TSEN2: variants seen among roughly 807,000 people sequenced by gnomAD.
The protein encoded by TSEN2 is tRNA splicing endonuclease subunit 2, also known as tRNA-splicing endonuclease subunit Sen2.
A neutral mutation model predicts 59.2 loss-of-function variants in TSEN2; 54 were observed. That is an observed-to-expected ratio of 0.91 (90% CI 0.73 to 1.14). TSEN2 has a LOEUF of 1.14. TSEN2 is among the 50% of genes most tolerant of loss of function. The pLI is 0.00. For missense variants in TSEN2, 636 were observed against 576.2 expected, an observed-to-expected ratio of 1.10 and a Z score of -1.06; for synonymous variants, 195 against 198.2, an observed-to-expected ratio of 0.98 and a Z score of 0.14.
At chr3:12,536,932 G>C (rs556431862), downstream of TSEN2, among the ~76,000 whole-genome samples, 1 of 152,044 alleles carries the variant, frequency 6.6e-6, no homozygotes, top group Admixed American at 6.6e-5. Context: ...GAACCCGGGA[G>C]GTGGGAGGTT....
At chr3:12,507,879 G>C (rs1450316510) in intron 6 of TSEN2, among the ~76,000 whole-genome samples, 1 of 152,230 alleles carries the variant, frequency 6.6e-6, no homozygotes, top group African/African-American at 2.4e-5. Context: ...GGCTGAGGTG[G>C]AAAGCTTTTG....
intron 6 of TSEN2, among the ~76,000 whole-genome samples, chr3:12,509,711 G>A (rs1422435327): frequency 6.6e-6 from 1 of 152,184 alleles, no homozygotes; most frequent in African/African-American, 2.4e-5. Context: ...TCCTTTGCTT[G>A]AGGGACTAAG....
At chr3:12,516,911 A>G (rs1391760860) in intron 7 of TSEN2, among the ~76,000 whole-genome samples, 3 of 152,202 alleles carry the variant, frequency 2.0e-5, no homozygotes, top group Non-Finnish European at 4.4e-5. Context: ...GTACTGGATA[A>G]TGATTAGGAA....
chr3:12,498,771 A>G (rs2054004387), intron 4 of TSEN2, among the ~76,000 whole-genome samples: 1 of 152,212 alleles, frequency 6.6e-6, no homozygotes, highest in Admixed American at 6.5e-5. Flanking sequence ...CAGTTCTATC[A>G]GCAAGCTACA....
At chr3:12,490,075 C>A in intron 2 of TSEN2, 86 bp downstream of exon 2, 2 of 1,220,100 alleles carry the variant, frequency 1.6e-6, no homozygotes, top group Admixed American at 1.7e-5. Flanking sequence ...GCCATACCCC[C>A]ACACCAACCA....
chr3:12,505,320 A>G lies in TSEN2; in HGVS notation c.909+89A>G, dbSNP rs116600170. ...AACCTACCTCACAGTGTAGTTCTGTATGTAATTCAATTATTGAATATTGTA... is the reference window on the plus strand; with the variant it reads ...AACCTACCTCACAGTGTAGTTCTGTGTGTAATTCAATTATTGAATATTGTA... On this transcript the variant is annotated intron_variant, in intron 6 of 11. Coordinates refer to ENST00000284995, the MANE Select transcript of TSEN2 (RefSeq NM_025265.4). 1,681 of 825,766 alleles carry G rather than the reference A, an allele frequency of 2.0e-3. 11 individuals carry two copies. The African/African-American group carries it at 0.024, about 12-fold the overall frequency. The allele number at this position is 825,766 out of a possible 1,614,324, so 51.2% of individuals were successfully genotyped here. A position where few individuals can be genotyped will look rare whatever the true frequency, so the allele number is the denominator to read the frequency against.
chr3:12,536,284 TAGG>T (rs2057671453), downstream of TSEN2, among the ~76,000 whole-genome samples: 3 of 152,192 alleles, frequency 2.0e-5, no homozygotes, highest in African/African-American at 4.8e-5. Flanking sequence ...TTAGTAATGG[TAGG>T]TTTTCCTGGT....
At chr3:12,488,183 T>A (rs545100256) in intron 1 of TSEN2, among the ~76,000 whole-genome samples, 19 of 152,364 alleles carry the variant, frequency 1.2e-4, no homozygotes, top group African/African-American at 4.3e-4. Context: ...TTTGGCCACC[T>A]TCTTGACTGT....
At chr3:12,508,914 G>A (rs748126453) in intron 6 of TSEN2, among the ~76,000 whole-genome samples, 3 of 152,176 alleles carry the variant, frequency 2.0e-5, no homozygotes, top group Non-Finnish European at 2.9e-5. Flanking sequence ...AGGCTGGAGT[G>A]CAGTGGCACC....
downstream of TSEN2, among the ~76,000 whole-genome samples, chr3:12,534,394 G>C (rs1380665570): frequency 2.6e-5 from 4 of 152,210 alleles, 1 homozygote; most frequent in East Asian, 5.8e-4. Context: ...AGAAAGGAAT[G>C]CTTCAAATCT....
At chr3:12,485,156 C>T (rs1242069338) in intron 1 of TSEN2, among the ~76,000 whole-genome samples, 1 of 152,298 alleles carries the variant, frequency 6.6e-6, no homozygotes, top group Middle Eastern at 3.4e-3. Flanking sequence ...AGGAGGTGCG[C>T]AGATGGAGCT....
chr3:12,516,250 C>T (rs1415887495), intron 6 of TSEN2, among the ~76,000 whole-genome samples: 2 of 151,858 alleles, frequency 1.3e-5, no homozygotes, highest in African/African-American at 2.4e-5. Flanking sequence ...CTGTGAAACC[C>T]GTCTCTACTG....
upstream of TSEN2, among the ~76,000 whole-genome samples, chr3:12,480,528 G>GGTTTTTTTTTTTTTTTTTTTTT (rs1553565213): frequency 1.9e-4 from 17 of 91,748 alleles, no homozygotes; most frequent in East Asian, 1.1e-3. Context: ...TTGTTTCTTT[G>GGTTTTTTTTTTTTTTTTTTTTT]TTTTTTTTTT....
At chr3:12,537,951 G>A (rs904702885), downstream of TSEN2, among the ~76,000 whole-genome samples, 10 of 152,084 alleles carry the variant, frequency 6.6e-5, no homozygotes, top group African/African-American at 2.4e-4. Flanking sequence ...GAAGAAATGG[G>A]GGCAAATTGG....
rs529759800 is a variant in TSEN2 at position 12,529,656 on chromosome 3, G to A, written c.1137-106G>A. The stretch of plus-strand genomic sequence containing the variant: ...AATTTAGGGGAATTTAGAATCAGAT[G>A]ATGCAAATTTCATTTTCTGTATATT... On this transcript the variant is annotated intron_variant, in intron 9 of 11. Coordinates refer to ENST00000284995, the MANE Select transcript of TSEN2 (RefSeq NM_025265.4). The A allele has an allele frequency of 3.0e-6, 3 of 988,388 alleles. No individual in the cohort carries two copies. In the South Asian group the frequency reaches 4.5e-5, roughly 15 times the overall value. The allele number at this position is 988,388 out of a possible 1,614,324, so 61.2% of individuals were successfully genotyped here.
intron 1 of TSEN2, among the ~76,000 whole-genome samples, chr3:12,485,603 A>C (rs2052536814): frequency 2.0e-5 from 3 of 152,328 alleles, no homozygotes; most frequent in South Asian, 4.1e-4. Context: ...CACCCAGGAA[A>C]TTCTGATGTA....
At chr3:12,518,631 G>A (rs1383740045) in intron 7 of TSEN2, among the ~76,000 whole-genome samples, 1 of 151,762 alleles carries the variant, frequency 6.6e-6, no homozygotes, top group African/African-American at 2.4e-5. Flanking sequence ...AAAGCAGGTG[G>A]TATTTTAATA....
In TSEN2 at chr3:12,503,312, A is replaced by G. The variant is rs2125046986; in HGVS notation, c.359A>G (p.Gln120Arg). ...GCAGAGCTGATGCGTAGACAGGGGC[A>G]GGATGAGAGTACAGTGCGCAGAATC... ...WAAELMRRQGQDESTVRRILK... is the reference protein window; with the variant it reads ...WAAELMRRQGRDESTVRRILK... Residue 120 changes from glutamine (Q) to arginine (R), a missense_variant, in exon 5 of 12, where the codon CAG becomes CGG. Gln to Arg is a conservative substitution (Grantham distance 43). Coordinates refer to ENST00000284995, the MANE Select transcript of TSEN2 (RefSeq NM_025265.4). 6.8e-6 allele frequency: 11 copies of G among 1,614,238 alleles called. No individual in the cohort carries two copies. The highest frequency in any genetic ancestry group is 9.3e-6 in the Non-Finnish European group (11 of 1,180,050).
intron 8 of TSEN2, 106 bp downstream of exon 8, chr3:12,519,303 T>A: frequency 1.3e-6 from 2 of 1,499,354 alleles, no homozygotes; most frequent in Admixed American, 1.7e-5. Flanking sequence ...TCTAAGAAGG[T>A]ATCCTTTGGG....
Sources: allele counts gnomAD v4.1 joint callset (sites outside exome capture counted in the v4.1 genomes callset), GRCh38; gene constraint gnomAD v4.1.1; transcripts MANE v1.5; gene names NCBI Gene and HGNC (gene_info 2026-07-23, HGNC 2026-07-21).